The following R3HDML variants were observed in gnomAD, a reference collection of about 807,000 sequenced individuals.
The protein encoded by R3HDML is R3H domain containing like, also known as peptidase inhibitor R3HDML.
R3HDML carries 21 observed loss-of-function variants against 24.2 expected under a neutral mutation model. That is an observed-to-expected ratio of 0.87 (90% CI 0.62 to 1.25). R3HDML has a LOEUF of 1.25. Ranked by LOEUF, R3HDML falls within the 50% of genes most tolerant of loss-of-function variation. The probability of loss-of-function intolerance (pLI) is 0.00; values close to 1 mark genes in which losing one functional copy is unlikely to be tolerated. For missense variants in R3HDML, 301 were observed against 340.3 expected (o/e 0.88, Z 0.91); for synonymous variants, 133 against 131.5 (o/e 1.01, Z -0.08).
At chr20:44,341,522 G>T (rs1314814536) in intron 2 of R3HDML, among the ~76,000 whole-genome samples, 1 of 152,200 alleles carries the variant, frequency 6.6e-6, no homozygotes, top group Non-Finnish European at 1.5e-5. Flanking sequence ...GGCAAGTCTT[G>T]TTTGGTTTGA....
intron 1 of R3HDML, among the ~76,000 whole-genome samples, chr20:44,340,011 A>C (rs1181546827): frequency 6.6e-6 from 1 of 151,886 alleles, no homozygotes; most frequent in Non-Finnish European, 1.5e-5. Context: ...ATGGAGTACA[A>C]TGATATGGAC....
intron 3 of R3HDML, among the ~76,000 whole-genome samples, 186 bp downstream of exon 3, chr20:44,343,695 TTTTG>T (rs1229811478): frequency 6.6e-6 from 1 of 152,154 alleles, no homozygotes. Context: ...TGTTTTTGTT[TTTTG>T]TTTGTTTGTT....
chr20:44,343,635 G>A (rs4812826), intron 3 of R3HDML, 126 bp downstream of exon 3: 332,824 of 985,554 alleles, frequency 0.34, 59,444 homozygotes, highest in Admixed American at 0.53. Flanking sequence ...TCACCAAAGA[G>A]GCATATTCCT....
At chr20:44,350,585 G>A (rs1317948946) in intron 4 of R3HDML, 75 bp from the exon 5 acceptor site, 9 of 1,462,724 alleles carry the variant, frequency 6.2e-6, no homozygotes, top group East Asian at 2.4e-5. Flanking sequence ...CAGTGGCAGC[G>A]CTGAGATCTG....
intron 4 of R3HDML, among the ~76,000 whole-genome samples, chr20:44,346,812 G>T (rs554589215): frequency 6.6e-6 from 1 of 152,304 alleles, no homozygotes; most frequent in East Asian, 1.9e-4. Flanking sequence ...GGGAGCAAGC[G>T]TAATGAAACT....
chr20:44,345,192 T>A, intron 3 of R3HDML, 71 bp from the exon 4 acceptor site: 1 of 1,225,646 alleles, frequency 8.2e-7, no homozygotes, highest in South Asian at 1.2e-5. Context: ...CTAATGCAAC[T>A]GTACAACCCC....
chr20:44,344,459 A>G (rs1035988667), intron 3 of R3HDML, among the ~76,000 whole-genome samples: 1 of 151,844 alleles, frequency 6.6e-6, no homozygotes, highest in African/African-American at 2.4e-5. Flanking sequence ...ATAATAATTT[A>G]AAAAGGAAAT....
intron 1 of R3HDML, among the ~76,000 whole-genome samples, chr20:44,339,934 A>G (rs896974502): frequency 6.6e-6 from 1 of 151,944 alleles, no homozygotes; most frequent in Non-Finnish European, 1.5e-5. Context: ...ACACACCACC[A>G]TGCCTGACTA....
intron 4 of R3HDML, among the ~76,000 whole-genome samples, chr20:44,350,210 A>G (rs186083756): frequency 7.1e-4 from 108 of 152,228 alleles, no homozygotes; most frequent in African/African-American, 2.3e-3. Context: ...TCTTGGTTTT[A>G]CAGGAGAAAC....
chr20:44,350,791 G>A lies in R3HDML; in HGVS notation c.761G>A (p.Ter254=), dbSNP rs2062808929. The A allele has an allele frequency of 6.2e-7, 1 of 1,613,736 alleles. No homozygotes were observed. Among genetic ancestry groups the A allele is most frequent in the Non-Finnish European group, 8.5e-7 (1 of 1,179,814 alleles). Residue 254 remains the stop codon, a stop_retained_variant, in exon 5 of 5, where the codon TGA becomes TAA. Coordinates refer to ENST00000217043, the MANE Select transcript of R3HDML (RefSeq NM_178491.4). ...GLKSNKFTWF[*] is the part of the protein sequence containing the mutation. ...AAATCCAACAAGTTCACGTGGTTCTGAATTTTCTCTGGGCTTTGGTGCGCC... is the reference window on the plus strand; with the variant it reads ...AAATCCAACAAGTTCACGTGGTTCTAAATTTTCTCTGGGCTTTGGTGCGCC...
chr20:44,351,034 G>C lies in R3HDML; in HGVS notation c.*242G>C. 1 of 441,276 alleles carries C rather than the reference G, an allele frequency of 2.3e-6. No individual in the cohort carries two copies. The highest frequency in any genetic ancestry group is 4.0e-6 in the Non-Finnish European group (1 of 250,896). The allele number at this position is 441,276 out of a possible 1,614,324, so 27.3% of individuals were successfully genotyped here. A position where few individuals can be genotyped will look rare whatever the true frequency, so the allele number is the denominator to read the frequency against. Reference sequence around the variant, plus strand: ...TCTTGGGCCTCTGGGAAAGAGCCCTGCATCTTTCATTAATTCGGTTCTCAG... The same window carrying C: ...TCTTGGGCCTCTGGGAAAGAGCCCTCCATCTTTCATTAATTCGGTTCTCAG... On this transcript the variant is annotated 3_prime_UTR_variant, in exon 5 of 5. Coordinates refer to ENST00000217043, the MANE Select transcript of R3HDML (RefSeq NM_178491.4).
chr20:44,345,375 TTAAG>T lies in R3HDML; in HGVS notation c.629+3_629+6del, dbSNP rs1159366100. 33 of 1,611,116 alleles carry T rather than the reference TTAAG, an allele frequency of 2.0e-5. No homozygotes were observed. The East Asian group carries it at 6.9e-4, about 34-fold the overall frequency. Reference sequence around the variant, plus strand: ...GCATACCTGGTCTGCAACTATGCCATTAAGTAAGTGCCTGCACCAAGGCAAAGAG... The same window carrying T: ...GCATACCTGGTCTGCAACTATGCCATTAAGTGCCTGCACCAAGGCAAAGAG... On this transcript the variant is annotated splice_donor_variant and coding_sequence_variant, in exon 4 of 5. Transcript: ENST00000217043. LOFTEE classifies it high-confidence loss of function.
Position 44,343,480 on chromosome 20 carries a change from G to C in R3HDML, c.484G>C (p.Asp162His). ...DCNPHCPWRC[D>H]GPTCSHYTQM... ...TAACCCACACTGCCCCTGGCGCTGC[G>C]ATGGCCCCACCTGCTCCCATTATAC... is the stretch of plus-strand genomic sequence containing the variant. Residue 162 changes from aspartate (D) to histidine (H), a missense_variant, in exon 3 of 5, where the codon GAT becomes CAT. Coordinates refer to ENST00000217043, the MANE Select transcript of R3HDML (RefSeq NM_178491.4). 6.2e-7 allele frequency: 1 copy of C among 1,611,854 alleles called. No homozygotes were observed.
Position 44,337,475 on chromosome 20 carries a change from C to T in R3HDML, c.261+57C>T, listed in dbSNP as rs529208323. ...CAGTGTCCCTTCCGGCAAACGCAGC[C>T]GGACTCATCTTGGCCTAGAATGACT... On this transcript the variant is annotated intron_variant, in intron 1 of 4. Coordinates refer to ENST00000217043, the MANE Select transcript of R3HDML (RefSeq NM_178491.4). This position sits in a 1 kb window ranked among gnomAD's most constrained non-coding sequence, Gnocchi z 4.7. 2.7e-5 allele frequency: 42 copies of T among 1,560,884 alleles called. No individual in the cohort carries two copies. The highest frequency in any genetic ancestry group is 1.2e-4 in the Admixed American group (7 of 58,412).
chr20:44,340,487 T>C (rs2062769330), intron 1 of R3HDML, among the ~76,000 whole-genome samples: 1 of 152,152 alleles, frequency 6.6e-6, no homozygotes, highest in African/African-American at 2.4e-5. Flanking sequence ...ATTTAGAAAA[T>C]ACTACAAGGC....
chr20:44,346,240 G>A (rs1032376641), intron 4 of R3HDML, among the ~76,000 whole-genome samples: 2 of 152,084 alleles, frequency 1.3e-5, no homozygotes, highest in African/African-American at 4.8e-5. Context: ...CCTCACTTCA[G>A]CCTCTCAAGT....
intron 3 of R3HDML, among the ~76,000 whole-genome samples, chr20:44,343,810 C>T (rs969672865): frequency 6.6e-6 from 1 of 151,486 alleles, no homozygotes; most frequent in Non-Finnish European, 1.5e-5. Context: ...AAACTCTGTC[C>T]CCCCCGCAAA....
Position 44,350,802 on chromosome 20 carries a change from G to A in R3HDML, c.*10G>A. The A allele has an allele frequency of 6.2e-7, 1 of 1,613,596 alleles. No homozygotes were observed. The highest frequency in any genetic ancestry group is 8.5e-7 in the Non-Finnish European group (1 of 1,179,790). On this transcript the variant is annotated 3_prime_UTR_variant, in exon 5 of 5. Coordinates refer to ENST00000217043, the MANE Select transcript of R3HDML (RefSeq NM_178491.4). ...GTTCACGTGGTTCTGAATTTTCTCT[G>A]GGCTTTGGTGCGCCTCCAGCTGGGC...
chr20:44,345,179 C>T (rs774471779), intron 3 of R3HDML, 84 bp from the exon 4 acceptor site: 27 of 1,039,550 alleles, frequency 2.6e-5, no homozygotes, highest in Admixed American at 1.7e-5. Context: ...AGGAAGACCT[C>T]ACCTAATGCA....
Sources: allele counts gnomAD v4.1 joint callset (sites outside exome capture counted in the v4.1 genomes callset), GRCh38; gene constraint gnomAD v4.1.1; non-coding constraint Gnocchi (gnomAD v3.1); transcripts MANE v1.5; gene names NCBI Gene and HGNC (gene_info 2026-07-23, HGNC 2026-07-21).